ADAMTS7: variants seen among roughly 807,000 people sequenced by gnomAD.
ADAMTS7 encodes A disintegrin and metalloproteinase with thrombospondin motifs 7.
A neutral mutation model predicts 172.6 loss-of-function variants in ADAMTS7; 89 were observed. The observed-to-expected ratio is 0.52, with a 90% CI of 0.43 to 0.61. ADAMTS7 has a LOEUF of 0.61. ADAMTS7 is among the 20% of genes least tolerant of loss of function. The pLI is 0.00. For synonymous variants in ADAMTS7, 885 were observed against 978.4 expected (o/e 0.90, Z 1.78); for missense variants, 1,973 against 2,355.6 (o/e 0.84, Z 3.36).
At chr15:78,801,147 C>G (rs1247748510) in intron 1 of ADAMTS7, among the ~76,000 whole-genome samples, 1 of 152,158 alleles carries the variant, frequency 6.6e-6, no homozygotes, top group African/African-American at 2.4e-5. Context: ...CAGAAAGATT[C>G]ATTCAAAACC....
Position 78,764,095 on chromosome 15 carries a change from G to A in ADAMTS7, c.4424C>T (p.Ser1475Phe), listed in dbSNP as rs771411348. The A allele has an allele frequency of 1.2e-5, 18 of 1,525,316 alleles. No homozygotes were observed. In the South Asian group the frequency reaches 2.0e-4, roughly 17 times the overall value. 94.5% of individuals were successfully genotyped at this position (1,525,316 alleles called of 1,614,324 possible). A position where few individuals can be genotyped will look rare whatever the true frequency, so the allele number is the denominator to read the frequency against. The part of the protein sequence containing the change: ...TWHSGNWSKC[S>F]RSCGGGSSVR... ...TGAGGAACCTCCGCCGCAGCTGCGG[G>A]AGCACTGGGGACCGAGAGACGTGTA... The change falls in exon 21 of 24, where the codon TCC becomes TTC. Residue 1475 changes from serine (S) to phenylalanine (F), a missense_variant. By Grantham distance (155) the Ser-to-Phe change is radical. Coordinates refer to ENST00000388820, the MANE Select transcript of ADAMTS7 (RefSeq NM_014272.5).
At chr15:78,778,292 CACA>C (rs2055381671) in intron 8 of ADAMTS7, among the ~76,000 whole-genome samples, 2 of 152,274 alleles carry the variant, frequency 1.3e-5, no homozygotes, top group East Asian at 1.9e-4. Context: ...GCTGCTCAGA[CACA>C]ACACCATGAG....
intron 4 of ADAMTS7, among the ~76,000 whole-genome samples, chr15:78,794,804 G>A (rs899898788): frequency 1.3e-5 from 2 of 152,062 alleles, no homozygotes; most frequent in African/African-American, 2.4e-5. Context: ...TGCAACCTTC[G>A]CCTCCCAGGC....
intron 1 of ADAMTS7, among the ~76,000 whole-genome samples, chr15:78,808,561 T>G (rs1212959001): frequency 6.6e-6 from 1 of 152,304 alleles, no homozygotes; most frequent in Non-Finnish European, 1.5e-5. Context: ...TATAGTGAAC[T>G]TGTATTGTTT....
In ADAMTS7 at chr15:78,811,257, C is replaced by T. The variant is rs538751112; in HGVS notation, c.-37G>A. ...GGCGGCCGCCGGGTGACCCCGCGCG[C>T]ACGCTCTCGTCCGTCCCGTCCGGTC... is the stretch of plus-strand genomic sequence containing the variant. On this transcript the variant is annotated 5_prime_UTR_variant, in exon 1 of 24. Transcript: ENST00000388820. 11 of 1,222,996 alleles carry T rather than the reference C, an allele frequency of 9.0e-6. No individual in the cohort carries two copies. The African/African-American group carries it at 1.4e-4, about 16-fold the overall frequency. 75.8% of individuals were successfully genotyped at this position (1,222,996 alleles called of 1,614,324 possible).
At position 78,765,774 on chromosome 15, in the gene ADAMTS7, C is replaced by G. The variant is rs760990301; in HGVS notation, c.4137G>C (p.Trp1379Cys). 5 of 1,609,118 alleles carry G rather than the reference C, an allele frequency of 3.1e-6. No homozygotes were observed. The East Asian group carries it at 8.9e-5, about 29-fold the overall frequency. ...CTCTGTGGCTGTTGGCGGGGCTGTC[C>G]CAAGCTGGTGTGGACAGCAGCCTAG... ...LSSRLLSTPA[W>C]DSPANSHRVP... The change falls in exon 19 of 24, where the codon TGG becomes TGC. Residue 1379 changes from tryptophan (W) to cysteine (C), a missense_variant. By Grantham distance (215) the Trp-to-Cys change is radical. Around this residue, in one of 8 missense-constraint regions of ADAMTS7, gnomAD observed 771 missense variants for 952.6 expected, o/e 0.81. Transcript: ENST00000388820.
rs572341959 is a variant in ADAMTS7 at position 78,776,338 on chromosome 15, T to G, written c.1561-5A>C. On this transcript the variant is annotated splice_region_variant and splice_polypyrimidine_tract_variant and intron_variant, in intron 10 of 23. Transcript: ENST00000388820. ...GCACTCCCCACTGAGACACCACTAC[T>G]GAGACAGACGGAGGTAGAGCCACCC... is the stretch of plus-strand genomic sequence containing the variant. The G allele has an allele frequency of 1.1e-5, 18 of 1,610,100 alleles. No individual in the cohort carries two copies. The South Asian group carries it at 2.0e-4, about 18-fold the overall frequency.
rs1402099455 is a variant in ADAMTS7 at position 78,777,735 on chromosome 15, C to T, written c.1323-147G>A. 2.3e-5 allele frequency: 24 copies of T among 1,064,496 alleles called. 1 individual carries two copies. Among genetic ancestry groups the T allele is most frequent in the South Asian group, 9.8e-5 (6 of 61,382 alleles). 65.9% of individuals were successfully genotyped at this position (1,064,496 alleles called of 1,614,324 possible). A position where few individuals can be genotyped will look rare whatever the true frequency, so the allele number is the denominator to read the frequency against. ...CTCCAGCCTCCCCGCTCGGCTCAGC[C>T]GATCCTCCACCTGCAGCCAGCAGCA... On this transcript the variant is annotated intron_variant, in intron 8 of 23. Coordinates refer to ENST00000388820, the MANE Select transcript of ADAMTS7 (RefSeq NM_014272.5).
rs528187819 is a variant in ADAMTS7, at chr15:78,799,992, C to T, written c.456+200G>A. ...CAGGTGCACCACCACCCGGCTTTCA[C>T]ATTAAACTTTGAGAACTGTTATCCT... On this transcript the variant is annotated intron_variant, in intron 2 of 23. Transcript: ENST00000388820. Among the ~76,000 whole-genome samples the T allele has an allele frequency of 3.9e-4, 60 of 152,092 alleles. 1 individual carries two copies. The South Asian group carries it at 0.013, about 32-fold the overall frequency.
chr15:78,782,485 T>C (rs1168612905), intron 8 of ADAMTS7, among the ~76,000 whole-genome samples: 1 of 150,146 alleles, frequency 6.7e-6, no homozygotes, highest in South Asian at 2.1e-4. Flanking sequence ...GTGAGTGGAC[T>C]TCTAGAAAAA....
intron 23 of ADAMTS7, 95 bp from the exon 24 acceptor site, chr15:78,759,673 C>T (rs2055010724): frequency 2.2e-6 from 3 of 1,356,724 alleles, no homozygotes; most frequent in Non-Finnish European, 2.9e-6. Flanking sequence ...GCTCCAGCAG[C>T]TCCCCACCAA....
chr15:78,761,112 G>C (rs1490139521), intron 23 of ADAMTS7, among the ~76,000 whole-genome samples: 1 of 152,246 alleles, frequency 6.6e-6, no homozygotes, highest in Non-Finnish European at 1.5e-5. Context: ...GGCAGGACAG[G>C]GTGGGGGCGC....
intron 13 of ADAMTS7, among the ~76,000 whole-genome samples, chr15:78,773,632 A>C (rs896714636): frequency 4.6e-5 from 7 of 152,088 alleles, no homozygotes; most frequent in Admixed American, 1.3e-4. Flanking sequence ...GAGGGCAAGA[A>C]GCAGGGACAA....
At chr15:78,786,786 ACT>A (rs1344353829) in intron 8 of ADAMTS7, among the ~76,000 whole-genome samples, 5 of 152,280 alleles carry the variant, frequency 3.3e-5, no homozygotes, top group African/African-American at 9.6e-5. Context: ...AATTTCAGTG[ACT>A]CTGCATACAA....
chr15:78,766,163 G>A lies in ADAMTS7; in HGVS notation c.3748C>T (p.His1250Tyr), dbSNP rs761399845. The A allele has an allele frequency of 7.4e-6, 12 of 1,611,634 alleles. No homozygotes were observed. The highest frequency in any genetic ancestry group is 8.5e-6 in the Non-Finnish European group (10 of 1,179,750). Residue 1250 changes from histidine to tyrosine, a missense_variant, in exon 19 of 24, where the codon CAC becomes TAC. This residue lies in a region of ADAMTS7 where 771 missense variants were observed against 952.6 expected (regional missense o/e 0.81). Coordinates refer to ENST00000388820, the MANE Select transcript of ADAMTS7 (RefSeq NM_014272.5). ...GCCACGTCAGGACTAGGAGAGGAGT[G>A]GGTGCTGCCAACAGGGGACAAAGGG... ...LPPLSPVGSTHSSPSPDVAEL... is the reference protein window; with the variant it reads ...LPPLSPVGSTYSSPSPDVAEL...
At chr15:78,807,754 A>G (rs2055815110) in intron 1 of ADAMTS7, among the ~76,000 whole-genome samples, 1 of 152,248 alleles carries the variant, frequency 6.6e-6, no homozygotes, top group Admixed American at 6.5e-5. Context: ...TTAGCAAGAG[A>G]ACTTCTAAAG....
intron 16 of ADAMTS7, chr15:78,770,853 A>G (rs868435502): frequency 7.5e-5 from 27 of 361,112 alleles, no homozygotes; most frequent in African/African-American, 4.7e-4. Context: ...GAAATAAGTC[A>G]GTGTGGTGAG....
In ADAMTS7 at chr15:78,762,578, G is replaced by GA; in HGVS notation, c.4741-14_4741-13insT. The GA allele has an allele frequency of 6.9e-7, 1 of 1,441,030 alleles. No homozygotes were observed. Among genetic ancestry groups the GA allele is most frequent in the East Asian group, 2.6e-5 (1 of 38,750 alleles). The allele number at this position is 1,441,030 out of a possible 1,614,324, so 89.3% of individuals were successfully genotyped here. A position where few individuals can be genotyped will look rare whatever the true frequency, so the allele number is the denominator to read the frequency against. ...AGGGGCCTGAGCACTGAGGGGAGCGGGGGAGGAATGAGTGTCTCCAGGGCC... is the reference window on the plus strand; with the variant it reads ...AGGGGCCTGAGCACTGAGGGGAGCGGAGGGAGGAATGAGTGTCTCCAGGGCC... On this transcript the variant is annotated splice_polypyrimidine_tract_variant and intron_variant, in intron 22 of 23. Transcript: ENST00000388820.
chr15:78,811,343 C>A lies in ADAMTS7; in HGVS notation c.-123G>T, dbSNP rs1056688807. 413 of 1,150,078 alleles carry A rather than the reference C, an allele frequency of 3.6e-4. No individual in the cohort carries two copies. The highest frequency in any genetic ancestry group is 4.0e-4 in the Non-Finnish European group (370 of 918,916). The allele number at this position is 1,150,078 out of a possible 1,614,324, so 71.2% of individuals were successfully genotyped here. On this transcript the variant is annotated 5_prime_UTR_variant, in exon 1 of 24. Coordinates refer to ENST00000388820, the MANE Select transcript of ADAMTS7 (RefSeq NM_014272.5). Reference sequence around the variant, plus strand: ...GGCCGGCGTGCAGCTCCCGGCGACCCGGCCCCGACTCCGTTCGGCTGCGCT... The same window carrying A: ...GGCCGGCGTGCAGCTCCCGGCGACCAGGCCCCGACTCCGTTCGGCTGCGCT...
Sources: allele counts gnomAD v4.1 joint callset (sites outside exome capture counted in the v4.1 genomes callset), GRCh38; gene constraint gnomAD v4.1.1; regional missense constraint gnomAD v4.1.1; transcripts MANE v1.5; gene names NCBI Gene and HGNC (gene_info 2026-07-23, HGNC 2026-07-21).